The following AGBL1 variants were observed in gnomAD, a reference collection of about 807,000 sequenced individuals.
AGBL1 encodes cytosolic carboxypeptidase 4.
In AGBL1, 130 loss-of-function variants were observed where a neutral mutation model predicts 118.9. The ratio of observed to expected loss-of-function variants is 1.09; its 90% CI spans 0.95 to 1.26. AGBL1 has a LOEUF of 1.26. AGBL1 is among the 50% of genes most tolerant of loss of function. The pLI, the probability that AGBL1 is intolerant of heterozygous loss-of-function variation, is 0.00. For missense variants in AGBL1, 1,584 were observed against 1,298.1 expected (o/e 1.22, Z -3.38); for synonymous variants, 555 against 478.9 (o/e 1.16, Z -2.08).
intron 18 of AGBL1, among the ~76,000 whole-genome samples, chr15:86,436,808 T>G (rs2082005665): frequency 6.6e-6 from 1 of 152,204 alleles, no homozygotes; most frequent in African/African-American, 2.4e-5. Context: ...GATGTATAAA[T>G]ACTTTTTTTA....
intron 22 of AGBL1, among the ~76,000 whole-genome samples, chr15:86,720,065 C>G (rs1457599373): frequency 6.6e-6 from 1 of 152,198 alleles, no homozygotes; most frequent in Non-Finnish European, 1.5e-5. Context: ...AAGTGATCAA[C>G]TTAGGTTTAA....
intron 18 of AGBL1, among the ~76,000 whole-genome samples, chr15:86,408,577 T>C (rs956912651): frequency 1.3e-5 from 2 of 152,256 alleles, no homozygotes; most frequent in Non-Finnish European, 2.9e-5. Context: ...TGCTTTGCTA[T>C]TTTGTACTGT....
At chr15:86,637,405 G>A (rs1355046456) in intron 21 of AGBL1, among the ~76,000 whole-genome samples, 3 of 152,126 alleles carry the variant, frequency 2.0e-5, no homozygotes, top group Non-Finnish European at 2.9e-5. Flanking sequence ...TAAGGAAGAA[G>A]ATAGCTTGAT....
At position 86,159,065 on chromosome 15, in the gene AGBL1, C is replaced by CAGATGGAG. The variant is rs769734136; in HGVS notation, c.488+49_488+56dup. 26 of 1,570,508 alleles carry CAGATGGAG rather than the reference C, an allele frequency of 1.7e-5. No homozygotes were observed. The East Asian group carries it at 5.6e-4, about 34-fold the overall frequency. The stretch of plus-strand genomic sequence containing the variant: ...TGTAATACTTCTGCCCCTTTTGTAA[C>CAGATGGAG]AGATGGAGAGATGGAGATTGCCCTA... On this transcript the variant is annotated intron_variant, in intron 5 of 22. Coordinates refer to ENST00000614907, the MANE Select transcript of AGBL1 (RefSeq NM_001386094.1).
chr15:86,560,119 T>C (rs185082684), intron 21 of AGBL1, among the ~76,000 whole-genome samples: 134 of 152,088 alleles, frequency 8.8e-4, no homozygotes, highest in South Asian at 5.2e-3. Flanking sequence ...AAAAATTTTA[T>C]GCAATTTTTC....
chr15:86,834,343 A>G (rs1377088), intron 22 of AGBL1, among the ~76,000 whole-genome samples: 60,210 of 151,932 alleles, frequency 0.4, 13,207 homozygotes, highest in Non-Finnish European at 0.51. Context: ...AAAGGGAAGT[A>G]GAGAAGGGAG....
intron 22 of AGBL1, among the ~76,000 whole-genome samples, chr15:86,715,631 A>T (rs756758079): frequency 5.9e-5 from 9 of 152,116 alleles, no homozygotes; most frequent in Non-Finnish European, 1.0e-4. Flanking sequence ...AGCTTGGTGG[A>T]TCTGTTTTAT....
chr15:86,186,424 G>T (rs549497505), intron 5 of AGBL1, among the ~76,000 whole-genome samples: 1 of 152,326 alleles, frequency 6.6e-6, no homozygotes, highest in South Asian at 2.1e-4. Context: ...ACAAGTCTCT[G>T]GACCTCACGT....
intron 22 of AGBL1, among the ~76,000 whole-genome samples, chr15:86,901,500 T>C (rs1269198289): frequency 6.6e-6 from 1 of 152,104 alleles, no homozygotes; most frequent in Non-Finnish European, 1.5e-5. Context: ...CAACTTTCTT[T>C]TCTATTGCAC....
At chr15:86,722,456 G>A (rs1395718115) in intron 22 of AGBL1, among the ~76,000 whole-genome samples, 2 of 152,156 alleles carry the variant, frequency 1.3e-5, no homozygotes, top group African/African-American at 2.4e-5. Context: ...CTAGCCATCT[G>A]TAGAAAGCTG....
intron 22 of AGBL1, among the ~76,000 whole-genome samples, chr15:86,816,677 A>C (rs746472196): frequency 2.2e-4 from 33 of 152,266 alleles, no homozygotes; most frequent in African/African-American, 3.1e-4. Flanking sequence ...AGTAAAAAAA[A>C]CACAAAAACA....
rs536963922 is a variant in AGBL1 at position 86,140,082 on chromosome 15, C to T, written c.52-1922C>T. ...CTGGTGGTCAGGTCTTGGTATTCCC[C>T]GTGCATGTTGTGGGTGCCCCTCCCA... On this transcript the variant is annotated intron_variant, in intron 1 of 22. Transcript: ENST00000614907. 5.3e-5 allele frequency: 10 copies of T among 188,968 alleles called. No homozygotes were observed. The East Asian group carries it at 1.1e-3, about 21-fold the overall frequency. 11.7% of individuals were successfully genotyped at this position (188,968 alleles called of 1,614,324 possible).
At chr15:86,938,292 G>C (rs900400297) in intron 23 of AGBL1, among the ~76,000 whole-genome samples, 2 of 152,126 alleles carry the variant, frequency 1.3e-5, no homozygotes, top group Non-Finnish European at 2.9e-5. Flanking sequence ...CCCTTTTATA[G>C]TCTTCCCATC....
At chr15:86,481,333 T>A (rs1032795928) in intron 18 of AGBL1, among the ~76,000 whole-genome samples, 6 of 152,070 alleles carry the variant, frequency 3.9e-5, no homozygotes, top group Non-Finnish European at 8.8e-5. Flanking sequence ...TCATGTCCCT[T>A]GTTCTGGATC....
At chr15:86,240,219 T>C (rs2078619997) in intron 6 of AGBL1, among the ~76,000 whole-genome samples, 1 of 152,226 alleles carries the variant, frequency 6.6e-6, no homozygotes, top group Non-Finnish European at 1.5e-5. Flanking sequence ...CCATATAAGA[T>C]GATTAGCCTA....
chr15:86,099,397 GT>G, intron 1 of AGBL1, among the ~76,000 whole-genome samples: 1 of 152,186 alleles, frequency 6.6e-6, no homozygotes, highest in African/African-American at 2.4e-5. Flanking sequence ...GATTTTTTGT[GT>G]TTTGGTTTTG....
intron 23 of AGBL1, among the ~76,000 whole-genome samples, chr15:86,982,618 C>G (rs976193748): frequency 1.3e-5 from 2 of 152,154 alleles, no homozygotes; most frequent in African/African-American, 4.8e-5. Context: ...TCCTCCTGAG[C>G]CTACTCAATG....
intron 19 of AGBL1, among the ~76,000 whole-genome samples, chr15:86,540,249 C>T (rs1330414989): frequency 4.6e-5 from 7 of 152,244 alleles, no homozygotes; most frequent in East Asian, 1.9e-4. Flanking sequence ...TCTCCTATTA[C>T]GTAGCAGTTA....
At chr15:86,759,392 T>C (rs1280954828) in intron 22 of AGBL1, among the ~76,000 whole-genome samples, 1 of 152,100 alleles carries the variant, frequency 6.6e-6, no homozygotes, top group Non-Finnish European at 1.5e-5. Context: ...ACTTGTATAA[T>C]AGAAGTAATA....
Sources: gnomAD v4.1 joint callset for allele counts (sites outside exome capture counted in the v4.1 genomes callset) on GRCh38, gnomAD v4.1.1 for gene constraint, MANE v1.5 for transcripts, NCBI Gene and HGNC (gene_info 2026-07-23, HGNC 2026-07-21) for gene names.